OTOG: variants seen among roughly 807,000 people sequenced by gnomAD.
OTOG encodes otogelin.
Under a neutral mutation model 313.8 loss-of-function variants are expected in OTOG, and 296 were observed. That is an observed-to-expected ratio of 0.94 (90% CI 0.86 to 1.04). The LOEUF is 1.04. OTOG is among the 50% of genes least tolerant of loss of function. OTOG has a pLI of 0.00. For synonymous variants in OTOG, 1,533 were observed against 1,554.9 expected (o/e 0.99, Z 0.33); for missense variants, 3,948 against 3,840.1 (o/e 1.03, Z -0.74).
intron 39 of OTOG, among the ~76,000 whole-genome samples, chr11:17,626,093 C>T (rs1435566024): frequency 3.9e-5 from 6 of 152,146 alleles, no homozygotes; most frequent in Non-Finnish European, 7.4e-5. Flanking sequence ...GCACTTTTGT[C>T]GAAAATGAGT....
At chr11:17,560,966 TG>T in intron 13 of OTOG, 124 bp from the exon 14 acceptor site, 1 of 1,259,438 alleles carries the variant, frequency 7.9e-7, no homozygotes, top group South Asian at 1.3e-5. Flanking sequence ...ATCCAATCCA[TG>T]GGGGAAATCT....
intron 30 of OTOG, among the ~76,000 whole-genome samples, chr11:17,598,710 T>C (rs188601044): frequency 1.3e-5 from 2 of 152,332 alleles, no homozygotes; most frequent in Admixed American, 1.3e-4. Context: ...GAGAGCTGGC[T>C]TTTTAATGAC....
chr11:17,597,894 C>T (rs1289134648), intron 30 of OTOG, among the ~76,000 whole-genome samples: 2 of 152,174 alleles, frequency 1.3e-5, no homozygotes, highest in Non-Finnish European at 2.9e-5. Flanking sequence ...TGAGTCTCTT[C>T]GTCTGTAATA....
At chr11:17,582,662 C>T (rs938346186) in intron 23 of OTOG, among the ~76,000 whole-genome samples, 1 of 152,228 alleles carries the variant, frequency 6.6e-6, no homozygotes, top group Admixed American at 6.5e-5. Flanking sequence ...GTTATTTCAG[C>T]AAGTACATGG....
intron 54 of OTOG, 88 bp from the exon 55 acceptor site, chr11:17,645,476 T>G: frequency 8.1e-7 from 1 of 1,237,588 alleles, no homozygotes; most frequent in Non-Finnish European, 1.1e-6. Flanking sequence ...CCCTCCAGCA[T>G]GACACTAACT....
intron 21 of OTOG, 58 bp from the exon 22 acceptor site, chr11:17,576,810 G>A (rs1852539013): frequency 3.9e-6 from 6 of 1,539,892 alleles, no homozygotes; most frequent in Middle Eastern, 3.3e-4. Flanking sequence ...GCAACATGGG[G>A]TGTCTGGGTC....
In OTOG at chr11:17,610,141, C is replaced by A. The variant is rs897939885; in HGVS notation, c.4841C>A (p.Pro1614Gln). The A allele has an allele frequency of 1.3e-6, 2 of 1,550,526 alleles. No homozygotes were observed. Among genetic ancestry groups the A allele is most frequent in the African/African-American group, 2.7e-5 (2 of 73,018 alleles). Residue 1614 changes from proline (P) to glutamine (Q), a missense_variant, in exon 36 of 56, where the codon CCG (proline) becomes CAG (glutamine). Physicochemically the swap from Pro to Gln is moderately conservative, Grantham distance 76. Coordinates refer to ENST00000399397, the MANE Select transcript of OTOG (RefSeq NM_001292063.2). The stretch of plus-strand genomic sequence containing the variant: ...CGGTCGCCCCCTGCCCCTCGCTTCC[C>A]GCTCATGACCAAGGCTGTGACAGTC... ...SSRSPPAPRFPLMTKAVTVRG... is the reference protein window; with the variant it reads ...SSRSPPAPRFQLMTKAVTVRG...
Position 17,557,178 on chromosome 11 carries a change from C to T in OTOG, c.720C>T (p.Ile240=), listed in dbSNP as rs1334832623. The change falls in exon 8 of 56, where the codon ATC becomes ATT. Residue 240 remains isoleucine (I), a synonymous_variant. Coordinates refer to ENST00000399397, the MANE Select transcript of OTOG (RefSeq NM_001292063.2). ...ARLQQLAGYV[I]VRHQSAFTLA... Reference sequence around the variant, plus strand: ...TGCAGCAGCTTGCCGGCTATGTCATCGTGCGGCATCAGTCAGCCTTCACAC... The same window carrying T: ...TGCAGCAGCTTGCCGGCTATGTCATTGTGCGGCATCAGTCAGCCTTCACAC... 8 of 1,550,638 alleles carry T rather than the reference C, an allele frequency of 5.2e-6. No homozygotes were observed. In the Admixed American group the frequency reaches 5.9e-5, roughly 11 times the overall value.
intron 39 of OTOG, among the ~76,000 whole-genome samples, chr11:17,621,363 C>A (rs997753881): frequency 3.3e-5 from 5 of 152,082 alleles, no homozygotes; most frequent in African/African-American, 1.2e-4. Context: ...CAATTCCCTG[C>A]TACTAAAGCA....
chr11:17,616,135 C>T (rs911063163), intron 39 of OTOG, among the ~76,000 whole-genome samples: 3 of 152,036 alleles, frequency 2.0e-5, no homozygotes, highest in Non-Finnish European at 4.4e-5. Flanking sequence ...TGATAGCTTA[C>T]TGCAGCCTCG....
intron 2 of OTOG, 79 bp from the exon 3 acceptor site, chr11:17,548,073 G>T (rs1728425546): frequency 7.0e-7 from 1 of 1,432,896 alleles, no homozygotes; most frequent in Non-Finnish European, 9.3e-7. Context: ...TAGCACTTAG[G>T]GTGGGATAGG....
chr11:17,613,196 T>TTTCTTTCTTTCTTTCTTTCA lies in OTOG; in HGVS notation c.6439-397_6439-396insATTCTTTCTTTCTTTCTTTC, dbSNP rs1271670837. ...TTTCTTTCTTTCTTTCTTTCTTTCTTTTCTTTCTTTCTTTCTTTCTTTCTT... is the reference window on the plus strand; with the variant it reads ...TTTCTTTCTTTCTTTCTTTCTTTCTTTTCTTTCTTTCTTTCTTTCATTCTTTCTTTCTTTCTTTCTTTCTT... On this transcript the variant is annotated intron_variant, in intron 38 of 55. Coordinates refer to ENST00000399397, the MANE Select transcript of OTOG (RefSeq NM_001292063.2). Among the ~76,000 whole-genome samples, 5 of 6,370 alleles carry TTTCTTTCTTTCTTTCTTTCA rather than the reference T, an allele frequency of 7.8e-4. No homozygotes were observed. In the East Asian group the frequency reaches 0.016, roughly 20 times the overall value. The allele number at this position is 6,370 out of a possible 152,430, so 4.2% of individuals were successfully genotyped here. A position where few individuals can be genotyped will look rare whatever the true frequency, so the allele number is the denominator to read the frequency against.
intron 6 of OTOG, among the ~76,000 whole-genome samples, chr11:17,555,420 T>C (rs1852036212): frequency 6.6e-6 from 1 of 151,852 alleles, no homozygotes; most frequent in Non-Finnish European, 1.5e-5. Context: ...GATGGTGGAG[T>C]ATGTCTGTTG....
At chr11:17,607,915 A>G (rs999979104) in intron 33 of OTOG, among the ~76,000 whole-genome samples, 5 of 152,154 alleles carry the variant, frequency 3.3e-5, no homozygotes, top group African/African-American at 1.2e-4. Flanking sequence ...AAGCCTGAGC[A>G]CCAGGGTCCC....
In OTOG at chr11:17,640,755, C is replaced by T. The variant is rs1205581083; in HGVS notation, c.7946C>T (p.Ser2649Phe). 1 of 1,549,982 alleles carries T rather than the reference C, an allele frequency of 6.5e-7. No homozygotes were observed. The highest frequency in any genetic ancestry group is 2.4e-5 in the East Asian group (1 of 40,912). ...PVPRCHLWEK[S>F]QLDEEFMHSV... Reference sequence around the variant, plus strand: ...CTCTGCCCCACCCAGTGGGAGAAATCCCAGCTGGATGAGGAGTTCATGCAC... The same window carrying T: ...CTCTGCCCCACCCAGTGGGAGAAATTCCAGCTGGATGAGGAGTTCATGCAC... The change falls in exon 50 of 56, where the codon TCC (serine) becomes TTC (phenylalanine). Residue 2649 changes from serine to phenylalanine, a missense_variant. By Grantham distance (155) the Ser-to-Phe change is radical. Coordinates refer to ENST00000399397, the MANE Select transcript of OTOG (RefSeq NM_001292063.2).
Position 17,610,221 on chromosome 11 carries a change from G to A in OTOG, c.4921G>A (p.Ala1641Thr). 1 of 1,550,418 alleles carries A rather than the reference G, an allele frequency of 6.4e-7. No homozygotes were observed. Among genetic ancestry groups the A allele is most frequent in the Non-Finnish European group, 8.7e-7 (1 of 1,146,862 alleles). Residue 1641 changes from alanine (A) to threonine (T), a missense_variant, in exon 36 of 56, where the codon GCA (alanine) becomes ACA (threonine). By Grantham distance (58) the Ala-to-Thr change is moderately conservative. Transcript: ENST00000399397. ...RTTPPQPSLT[A>T]SPSSRPVASP... ...GACACCCCCACAGCCCTCCTTGACA[G>A]CAAGTCCCTCCTCCAGACCTGTGGC...
chr11:17,548,080 T>G, intron 2 of OTOG, 72 bp from the exon 3 acceptor site: 1 of 1,456,962 alleles, frequency 6.9e-7, no homozygotes, highest in Non-Finnish European at 9.2e-7. Context: ...TAGGGTGGGA[T>G]AGGCCAGGGG....
intron 3 of OTOG, among the ~76,000 whole-genome samples, chr11:17,550,013 G>A (rs550964353): frequency 4.1e-4 from 63 of 152,316 alleles, no homozygotes; most frequent in Non-Finnish European, 6.9e-4. Flanking sequence ...CTAGAGAATT[G>A]TTGTAGACAG....
At position 17,602,319 on chromosome 11, in the gene OTOG, G is replaced by T; in HGVS notation, c.3819G>T (p.Ala1273=). ...DIVLVRTEDV[A]PADIVSFLLT... Reference sequence around the variant, plus strand: ...TCCTAGTGAGGACAGAGGATGTGGCGCCAGCAGACATTGTGAGCTTCCTGC... The same window carrying T: ...TCCTAGTGAGGACAGAGGATGTGGCTCCAGCAGACATTGTGAGCTTCCTGC... Residue 1273 remains alanine, a synonymous_variant, in exon 32 of 56, where the codon GCG becomes GCT. Coordinates refer to ENST00000399397, the MANE Select transcript of OTOG (RefSeq NM_001292063.2). The T allele has an allele frequency of 6.4e-7, 1 of 1,550,558 alleles. No homozygotes were observed. The highest frequency in any genetic ancestry group is 1.2e-5 in the South Asian group (1 of 84,056).
Sources: allele counts gnomAD v4.1 joint callset (sites outside exome capture counted in the v4.1 genomes callset), GRCh38; gene constraint gnomAD v4.1.1; transcripts MANE v1.5; gene names NCBI Gene and HGNC (gene_info 2026-07-23, HGNC 2026-07-21).